Variants in STAT4 observed in about 807,000 individuals in gnomAD.
The protein encoded by STAT4 is signal transducer and activator of transcription 4.
In STAT4, 42 loss-of-function variants were observed where a neutral mutation model predicts 110.5. The observed-to-expected ratio is 0.38, with a 90% CI of 0.30 to 0.49. STAT4 has a LOEUF of 0.49. Among genes scored for constraint, STAT4 ranks in the 20% least tolerant of loss-of-function variants. The pLI, the probability that STAT4 is intolerant of heterozygous loss-of-function variation, is 0.95. For synonymous variants in STAT4, 284 were observed against 302.2 expected, an observed-to-expected ratio of 0.94 and a Z score of 0.63; for missense variants, 632 against 887.9, an observed-to-expected ratio of 0.71 and a Z score of 3.66.
rs760666030 is a variant in STAT4 at position 191,029,901 on chromosome 2, C to A, written c.2221-35G>T. On this transcript the variant is annotated intron_variant, in intron 23 of 23. Transcript: ENST00000392320. The surrounding 1 kb of genome is among the most constrained non-coding windows in gnomAD (Gnocchi z 4.5). ...AAAATGAAAATAATCTTTGAGGAAACTACTGGTTTTCAAATCAATCACTAT... is the reference window on the plus strand; with the variant it reads ...AAAATGAAAATAATCTTTGAGGAAAATACTGGTTTTCAAATCAATCACTAT... The A allele has an allele frequency of 1.2e-5, 18 of 1,520,790 alleles. No individual in the cohort carries two copies. Among genetic ancestry groups the A allele is most frequent in the Admixed American group, 5.5e-5 (3 of 54,954 alleles). The allele number at this position is 1,520,790 out of a possible 1,614,324, so 94.2% of individuals were successfully genotyped here. A position where few individuals can be genotyped will look rare whatever the true frequency, so the allele number is the denominator to read the frequency against.
Position 191,033,808 on chromosome 2 carries a change from T to G in STAT4, c.1715+103A>C. ...ATAAGAAATTGCAACTATTTTTTTCTGTGGTACTAAACATGCTTAAGAGAA... is the reference window on the plus strand; with the variant it reads ...ATAAGAAATTGCAACTATTTTTTTCGGTGGTACTAAACATGCTTAAGAGAA... On this transcript the variant is annotated intron_variant, in intron 19 of 23. Transcript: ENST00000392320. The surrounding 1 kb of genome is among the most constrained non-coding windows in gnomAD (Gnocchi z 6.9). 7.4e-7 allele frequency: 1 copy of G among 1,342,570 alleles called. No individual in the cohort carries two copies. The highest frequency in any genetic ancestry group is 1.0e-6 in the Non-Finnish European group (1 of 977,712). The allele number at this position is 1,342,570 out of a possible 1,614,324, so 83.2% of individuals were successfully genotyped here. A position where few individuals can be genotyped will look rare whatever the true frequency, so the allele number is the denominator to read the frequency against.
intron 3 of STAT4, among the ~76,000 whole-genome samples, chr2:191,081,128 G>A (rs541922212): frequency 7.9e-5 from 12 of 152,244 alleles, no homozygotes; most frequent in African/African-American, 1.9e-4. Flanking sequence ...TGCTGAGAAC[G>A]ATGGCTTCCA....
intron 3 of STAT4, among the ~76,000 whole-genome samples, chr2:191,080,263 A>G (rs747401792): frequency 1.4e-4 from 22 of 152,078 alleles, no homozygotes; most frequent in Non-Finnish European, 2.6e-4. Context: ...ACATAGATAT[A>G]TATATTTACT....
At position 191,117,144 on chromosome 2, in the gene STAT4, G is replaced by A. The variant is rs1698593109; in HGVS notation, c.273+29469C>T. Among the ~76,000 whole-genome samples, 1 of 152,272 alleles carries A rather than the reference G, an allele frequency of 6.6e-6. No individual in the cohort carries two copies. Among genetic ancestry groups the A allele is most frequent in the South Asian group, 2.1e-4 (1 of 4,830 alleles). On this transcript the variant is annotated intron_variant, in intron 3 of 23. Transcript: ENST00000392320. This position sits in a 1 kb window ranked among gnomAD's most constrained non-coding sequence, Gnocchi z 5.2. ...ATTCTAATAAAGCAGGCAATGTTGAGAACACTGAGTGTGGGGTATTCTTTC... is the reference window on the plus strand; with the variant it reads ...ATTCTAATAAAGCAGGCAATGTTGAAAACACTGAGTGTGGGGTATTCTTTC...
rs3024869 is a variant in STAT4, at chr2:191,054,946, C to T, written c.1207-412G>A. Among the ~76,000 whole-genome samples the T allele has an allele frequency of 4.4e-3, 667 of 152,032 alleles. 4 individuals carry two copies. The highest frequency in any genetic ancestry group is 0.015 in the African/African-American group (631 of 41,436). On this transcript the variant is annotated intron_variant, in intron 13 of 23. Coordinates refer to ENST00000392320, the MANE Select transcript of STAT4 (RefSeq NM_003151.4). ...AAAATAAACTACAGGGCAGTGTGTA[C>T]CATATAGCATAGTAAGCTATTAAAT...
At chr2:191,114,140 A>T (rs963868201) in intron 3 of STAT4, among the ~76,000 whole-genome samples, 20 of 152,234 alleles carry the variant, frequency 1.3e-4, no homozygotes, top group African/African-American at 4.8e-4. Context: ...AATAATTTTC[A>T]GTGAACGTAA....
upstream of STAT4, chr2:191,151,581 G>A: frequency 1.0e-6 from 1 of 985,552 alleles, no homozygotes; most frequent in Non-Finnish European, 1.2e-6. This position sits in a 1 kb window ranked among gnomAD's most constrained non-coding sequence, Gnocchi z 4.7. Flanking sequence ...TACTCTCCTT[G>A]AGTAGCCTTG....
chr2:191,041,369 A>G (rs1175973257), intron 14 of STAT4: 1 of 211,636 alleles, frequency 4.7e-6, no homozygotes, highest in Non-Finnish European at 9.1e-6. Flanking sequence ...TCTTCAAAAC[A>G]AGATAATTTC....
chr2:191,146,365 T>TACATGCAAGTCCC lies in STAT4; in HGVS notation c.273+235_273+247dup, dbSNP rs1699459829. Among the ~76,000 whole-genome samples, 1 of 152,158 alleles carries TACATGCAAGTCCC rather than the reference T, an allele frequency of 6.6e-6. No homozygotes were observed. The highest frequency in any genetic ancestry group is 2.4e-5 in the African/African-American group (1 of 41,444). On this transcript the variant is annotated intron_variant, in intron 3 of 23. Transcript: ENST00000392320. This position sits in a 1 kb window ranked among gnomAD's most constrained non-coding sequence, Gnocchi z 4.5. ...ACTGAATCATAGCTAGTAAACAAGA[T>TACATGCAAGTCCC]ACATGCAAGTCCCACATGCAACACA... is the stretch of plus-strand genomic sequence containing the variant.
chr2:191,034,542 T>C lies in STAT4; in HGVS notation c.1620+6A>G. On this transcript the variant is annotated splice_donor_region_variant and intron_variant, in intron 18 of 23. Transcript: ENST00000392320. ...ATCTAAATGATGTTTCCCCGACCGT[T>C]TGTACCTTGCAGAACTTGGCCCAGG... The C allele has an allele frequency of 6.2e-7, 1 of 1,610,654 alleles. No individual in the cohort carries two copies. The highest frequency in any genetic ancestry group is 1.1e-5 in the South Asian group (1 of 91,010).
At chr2:191,068,074 C>T (rs1236824152) in intron 6 of STAT4, 2 of 152,134 alleles carry the variant, frequency 1.3e-5, no homozygotes, top group Admixed American at 1.3e-4. Flanking sequence ...CCCGTCTTCA[C>T]CAAGGATATA....
rs772916679 is a variant in STAT4, at chr2:191,113,285, G to C, written c.273+33328C>G. On this transcript the variant is annotated intron_variant, in intron 3 of 23. Coordinates refer to ENST00000392320, the MANE Select transcript of STAT4 (RefSeq NM_003151.4). This position sits in a 1 kb window ranked among gnomAD's most constrained non-coding sequence, Gnocchi z 4.8. The stretch of plus-strand genomic sequence containing the variant: ...TCTCACTGCTGTGAGTAATCACACC[G>C]AACAAGCATTATCTCTCCTATTTTT... Among the ~76,000 whole-genome samples, 2 of 152,196 alleles carry C rather than the reference G, an allele frequency of 1.3e-5. No homozygotes were observed. Among genetic ancestry groups the C allele is most frequent in the African/African-American group, 4.8e-5 (2 of 41,438 alleles).
At chr2:191,101,916 T>C (rs2125336316) in intron 3 of STAT4, among the ~76,000 whole-genome samples, 1 of 152,264 alleles carries the variant, frequency 6.6e-6, no homozygotes, top group Middle Eastern at 3.4e-3. Flanking sequence ...CTATTGTATC[T>C]CATTTCTATT....
chr2:191,070,192 C>G (rs554418876), intron 5 of STAT4, among the ~76,000 whole-genome samples: 1 of 152,122 alleles, frequency 6.6e-6, no homozygotes, highest in Non-Finnish European at 1.5e-5. Flanking sequence ...TAGCTTATGA[C>G]AATTCAGCTT....
intron 3 of STAT4, among the ~76,000 whole-genome samples, chr2:191,084,906 G>C (rs72913198): frequency 0.026 from 3,943 of 151,786 alleles, 61 homozygotes; most frequent in South Asian, 0.048. Flanking sequence ...AACTGATTAA[G>C]GTTTATTTAT....
intron 3 of STAT4, among the ~76,000 whole-genome samples, chr2:191,093,005 C>T (rs189165848): frequency 6.6e-6 from 1 of 152,300 alleles, no homozygotes; most frequent in Admixed American, 6.5e-5. Flanking sequence ...GGAGCATCTG[C>T]CATTGCTGAG....
At chr2:191,041,275 T>C in intron 14 of STAT4, 127 bp from the exon 15 acceptor site, 1 of 358,228 alleles carries the variant, frequency 2.8e-6, no homozygotes, top group Non-Finnish European at 4.6e-6. Flanking sequence ...AAACAGTCTC[T>C]ATTATTGAAC....
rs1257959232 is a variant in STAT4 at position 191,116,033 on chromosome 2, G to A, written c.273+30580C>T. Among the ~76,000 whole-genome samples, 1 of 152,134 alleles carries A rather than the reference G, an allele frequency of 6.6e-6. No homozygotes were observed. Among genetic ancestry groups the A allele is most frequent in the Non-Finnish European group, 1.5e-5 (1 of 68,016 alleles). ...GTCATATGGTACGTTTGGTTGAAAT[G>A]AACATTATGACCACAGAAAAAACTT... On this transcript the variant is annotated intron_variant, in intron 3 of 23. Coordinates refer to ENST00000392320, the MANE Select transcript of STAT4 (RefSeq NM_003151.4). The surrounding 1 kb of genome is among the most constrained non-coding windows in gnomAD (Gnocchi z 4.1).
chr2:191,133,522 T>A lies in STAT4; in HGVS notation c.273+13091A>T, dbSNP rs144185245. Among the ~76,000 whole-genome samples the A allele has an allele frequency of 8.6e-4, 130 of 151,826 alleles. 1 individual carries two copies. Among genetic ancestry groups the A allele is most frequent in the Non-Finnish European group, 1.3e-3 (90 of 68,016 alleles). On this transcript the variant is annotated intron_variant, in intron 3 of 23. Coordinates refer to ENST00000392320, the MANE Select transcript of STAT4 (RefSeq NM_003151.4). ...AGTAATTCCACCTTCCATCTGCATA[T>A]ATACATGTATAAGGGGATGTCTGGA...
Sources: allele counts gnomAD v4.1 joint callset (sites outside exome capture counted in the v4.1 genomes callset), GRCh38; gene constraint gnomAD v4.1.1; non-coding constraint Gnocchi (gnomAD v3.1); transcripts MANE v1.5; gene names NCBI Gene and HGNC (gene_info 2026-07-23, HGNC 2026-07-21).